Variants in TNIK observed in about 807,000 individuals in gnomAD.
The protein encoded by TNIK is TRAF2 and NCK interacting kinase, also known as TRAF2 and NCK-interacting protein kinase.
Under a neutral mutation model 191.3 loss-of-function variants are expected in TNIK, and 49 were observed. That is an observed-to-expected ratio of 0.26 (90% CI 0.20 to 0.32). TNIK has a LOEUF of 0.32. Among genes scored for constraint, TNIK ranks in the 10% least tolerant of loss-of-function variants. TNIK has a pLI of 1.00. For synonymous variants in TNIK, 594 were observed against 600.9 expected, an observed-to-expected ratio of 0.99 and a Z score of 0.17; for missense variants, 1,155 against 1,702.3, an observed-to-expected ratio of 0.68 and a Z score of 5.66.
intron 1 of TNIK, among the ~76,000 whole-genome samples, chr3:171,392,136 A>G (rs1303355580): frequency 6.6e-6 from 1 of 152,210 alleles, no homozygotes; most frequent in Non-Finnish European, 1.5e-5. Context: ...ATTAAAAAGA[A>G]ATTACATTAT....
chr3:171,261,037 A>G (rs945696476), intron 2 of TNIK, among the ~76,000 whole-genome samples: 1 of 152,214 alleles, frequency 6.6e-6, no homozygotes, highest in Non-Finnish European at 1.5e-5. Flanking sequence ...AAAGCTTATG[A>G]GTCACATTTC....
intron 11 of TNIK, among the ~76,000 whole-genome samples, chr3:171,160,125 G>A (rs146079235): frequency 5.1e-4 from 77 of 152,188 alleles, no homozygotes; most frequent in Non-Finnish European, 8.8e-4. Context: ...CTACTTGGCA[G>A]TCATCTTCTT....
chr3:171,434,034 C>T (rs1032496476), intron 1 of TNIK, among the ~76,000 whole-genome samples: 1 of 146,168 alleles, frequency 6.8e-6, no homozygotes, highest in Non-Finnish European at 1.5e-5. Flanking sequence ...CAACCACCAC[C>T]TCCTGGGTTC....
chr3:171,304,012 A>G, intron 2 of TNIK, among the ~76,000 whole-genome samples: 1 of 129,958 alleles, frequency 7.7e-6, no homozygotes. Flanking sequence ...GGCCCGGGGG[A>G]GGAAGGGTGA....
intron 2 of TNIK, among the ~76,000 whole-genome samples, chr3:171,243,352 G>A (rs926808685): frequency 6.6e-6 from 1 of 151,900 alleles, no homozygotes; most frequent in East Asian, 1.9e-4. Context: ...TTGATATGTG[G>A]TCAAGTTTTT....
intron 16 of TNIK, 146 bp from the exon 17 acceptor site, chr3:171,126,297 G>A (rs1222619281): frequency 9.9e-7 from 1 of 1,006,442 alleles, no homozygotes; most frequent in Non-Finnish European, 1.3e-6. Context: ...TATATAGCAT[G>A]TTTTTTAACA....
At chr3:171,373,163 C>A (rs1364182051) in intron 1 of TNIK, among the ~76,000 whole-genome samples, 1 of 152,112 alleles carries the variant, frequency 6.6e-6, no homozygotes, top group Non-Finnish European at 1.5e-5. Flanking sequence ...TTCTAGAGTA[C>A]CTCTAAAGTA....
chr3:171,231,141 T>C lies in TNIK; in HGVS notation c.124-2920A>G, dbSNP rs546433852. 7.2e-5 allele frequency among the ~76,000 whole-genome samples: 11 copies of C among 152,324 alleles called. No individual in the cohort carries two copies. The East Asian group carries it at 1.7e-3, about 24-fold the overall frequency. ...AGCAGCCTAGGGCTGAGCCAGCCCA[T>C]GGTACTGGCTCAAGGCCAGAGATGA... On this transcript the variant is annotated intron_variant, in intron 2 of 32. Coordinates refer to ENST00000436636, the MANE Select transcript of TNIK (RefSeq NM_015028.4).
intron 2 of TNIK, among the ~76,000 whole-genome samples, chr3:171,228,825 C>T (rs894947282): frequency 2.0e-5 from 3 of 152,166 alleles, no homozygotes; most frequent in Non-Finnish European, 2.9e-5. Flanking sequence ...GCAGCAACCA[C>T]GTGGCAAAAT....
intron 2 of TNIK, among the ~76,000 whole-genome samples, chr3:171,252,795 A>G (rs1369954499): frequency 1.3e-5 from 2 of 152,134 alleles, no homozygotes; most frequent in East Asian, 1.9e-4. Flanking sequence ...TGGGGAGAGC[A>G]CTCGGTTCCT....
intron 2 of TNIK, among the ~76,000 whole-genome samples, chr3:171,363,166 C>T (rs1022834554): frequency 5.9e-5 from 9 of 152,182 alleles, no homozygotes; most frequent in Admixed American, 5.2e-4. Context: ...TCTTGCAATG[C>T]ACAGTACAGC....
At chr3:171,137,201 TATGTC>T (rs1730151064) in intron 15 of TNIK, among the ~76,000 whole-genome samples, 1 of 139,920 alleles carries the variant, frequency 7.1e-6, no homozygotes, top group Non-Finnish European at 1.5e-5. Flanking sequence ...TTTCTGTACA[TATGTC>T]AGATAGGTTA....
intron 1 of TNIK, among the ~76,000 whole-genome samples, chr3:171,384,633 C>T (rs1407376362): frequency 1.3e-5 from 2 of 152,186 alleles, no homozygotes; most frequent in Non-Finnish European, 2.9e-5. Context: ...AATGACTACA[C>T]TTTATATCCA....
chr3:171,111,876 T>G (rs768078643), intron 18 of TNIK, among the ~76,000 whole-genome samples: 7 of 152,064 alleles, frequency 4.6e-5, no homozygotes, highest in Admixed American at 1.3e-4. Context: ...ACCGAACTCA[T>G]AGAAACAGAG....
At position 171,394,427 on chromosome 3, in the gene TNIK, C is replaced by T. The variant is rs575497886; in HGVS notation, c.58-24742G>A. On this transcript the variant is annotated intron_variant, in intron 1 of 32. Transcript: ENST00000436636. ...TCAATCTTTTGAGGTCCCACAGCCT[C>T]CTATGCTTTATTATATTATTACCAC... 6.6e-5 allele frequency among the ~76,000 whole-genome samples: 10 copies of T among 152,342 alleles called. No homozygotes were observed. In the South Asian group the frequency reaches 2.1e-3, roughly 32 times the overall value.
intron 2 of TNIK, among the ~76,000 whole-genome samples, chr3:171,288,349 T>C (rs74718420): frequency 0.045 from 6,753 of 148,768 alleles, 221 homozygotes; most frequent in African/African-American, 0.095. Context: ...AATATTTGGG[T>C]GGAATGATCA....
At chr3:171,287,026 A>G (rs770480698) in intron 2 of TNIK, among the ~76,000 whole-genome samples, 1 of 152,196 alleles carries the variant, frequency 6.6e-6, no homozygotes, top group Non-Finnish European at 1.5e-5. Context: ...TGCTTTCACA[A>G]TGTTGTTCTC....
intron 1 of TNIK, among the ~76,000 whole-genome samples, chr3:171,403,955 T>C (rs1463274061): frequency 1.3e-5 from 2 of 152,214 alleles, no homozygotes; most frequent in African/African-American, 2.4e-5. Context: ...CACACATCTA[T>C]AGAGAATTAG....
intron 2 of TNIK, among the ~76,000 whole-genome samples, chr3:171,335,178 A>G (rs1756835579): frequency 6.6e-6 from 1 of 152,250 alleles, no homozygotes; most frequent in South Asian, 2.1e-4. Context: ...CCCCAGGGAT[A>G]AGCACAGTGC....
Sources: gnomAD v4.1 joint callset for allele counts (sites outside exome capture counted in the v4.1 genomes callset) on GRCh38, gnomAD v4.1.1 for gene constraint, MANE v1.5 for transcripts, NCBI Gene and HGNC (gene_info 2026-07-23, HGNC 2026-07-21) for gene names.